The following TPM3 variants were observed in gnomAD, a reference collection of about 807,000 sequenced individuals.
The protein encoded by TPM3 is tropomyosin alpha-3 chain.
In TPM3, 16 loss-of-function variants were observed where a neutral mutation model predicts 43.1. The ratio of observed to expected loss-of-function variants is 0.37; its 90% confidence interval spans 0.25 to 0.56. The LOEUF (loss-of-function observed/expected upper bound fraction) is 0.56, where lower values mean the gene tolerates loss of function less well. TPM3 is among the 20% of genes least tolerant of loss of function. The pLI, the probability that TPM3 is intolerant of heterozygous loss-of-function variation, is 0.77. For synonymous variants in TPM3, 101 were observed against 116.9 expected (o/e 0.86, Z 0.88); for missense variants, 176 against 337.2 (o/e 0.52, Z 3.74).
chr1:154,173,212 T>A lies in TPM3; in HGVS notation c.378-11A>T, dbSNP rs374552223. 25 of 1,611,376 alleles carry A rather than the reference T, an allele frequency of 1.6e-5. No homozygotes were observed. Among genetic ancestry groups the A allele is most frequent in the Non-Finnish European group, 2.0e-5 (23 of 1,178,340 alleles). ...ATAACCTTCATACCTCTGCCAGAAA[T>A]AGGACAAAAGCAATACTGACACCCT... On this transcript the variant is annotated splice_polypyrimidine_tract_variant and intron_variant, in intron 3 of 9. Transcript: ENST00000651641.
downstream of TPM3, chr1:154,158,616 G>GATC: frequency 2.6e-6 from 1 of 379,826 alleles, no homozygotes; most frequent in South Asian, 2.9e-5. Flanking sequence ...AACTTGTCAA[G>GATC]TCAGTCCTTT....
At chr1:154,172,761 G>C in intron 5 of TPM3, 147 bp downstream of exon 5, 1 of 958,596 alleles carries the variant, frequency 1.0e-6, no homozygotes, top group South Asian at 1.3e-5. Context: ...AACCATTCTT[G>C]GGCCTAAAAA....
At chr1:154,173,605 G>A (rs534552472) in intron 3 of TPM3, among the ~76,000 whole-genome samples, 45 of 151,798 alleles carry the variant, frequency 3.0e-4, no homozygotes, top group Non-Finnish European at 5.1e-4. Context: ...TGGAGGTTGC[G>A]GTGAGCCGAG....
At chr1:154,169,535 T>C in intron 8 of TPM3, 152 bp from the exon 9 acceptor site, 1 of 745,376 alleles carries the variant, frequency 1.3e-6, no homozygotes, top group Non-Finnish European at 2.3e-6. Context: ...CAACCATGAC[T>C]GGACATTTTC....
intron 2 of TPM3, among the ~76,000 whole-genome samples, chr1:154,188,568 A>C (rs928526583): frequency 2.0e-5 from 3 of 149,930 alleles, no homozygotes; most frequent in Admixed American, 6.6e-5. Flanking sequence ...CCAGCTACTC[A>C]GGAGGCTGAG....
At chr1:154,172,690 AC>A in intron 5 of TPM3, 2 of 622,254 alleles carry the variant, frequency 3.2e-6, no homozygotes, top group Admixed American at 5.4e-5. Context: ...AACCCTACCA[AC>A]AAAAAATAAG....
At chr1:154,184,796 C>G (rs1360395786) in intron 2 of TPM3, among the ~76,000 whole-genome samples, 2 of 150,972 alleles carry the variant, frequency 1.3e-5, no homozygotes, top group African/African-American at 4.9e-5. Context: ...CGTCTGTAGT[C>G]CCAGCTACTT....
downstream of TPM3, chr1:154,158,485 C>A (rs946919779): frequency 1.8e-5 from 5 of 273,496 alleles, no homozygotes; most frequent in African/African-American, 1.1e-4. Context: ...AAATCTTCAA[C>A]TCAGAGAAGG....
chr1:154,156,186 GAGCCATTACGCTCC>G (rs1659792562), downstream of TPM3: 2 of 175,230 alleles, frequency 1.1e-5, no homozygotes. Flanking sequence ...AGCCGAGATC[GAGCCATTACGCTCC>G]AGCCCAGGCA....
At chr1:154,169,461 C>T in intron 8 of TPM3, 78 bp from the exon 9 acceptor site, 7 of 1,455,814 alleles carry the variant, frequency 4.8e-6, no homozygotes, top group Non-Finnish European at 6.7e-6. Context: ...GAGAGGGAAT[C>T]ATTAGAAATT....
intron 8 of TPM3, 137 bp from the exon 9 acceptor site, chr1:154,169,520 T>G: frequency 4.9e-6 from 4 of 815,806 alleles, no homozygotes; most frequent in Non-Finnish European, 8.2e-6. Flanking sequence ...AAATATCTAC[T>G]CTGGCAACCA....
intron 2 of TPM3, among the ~76,000 whole-genome samples, chr1:154,188,079 AG>A (rs1227679705): frequency 2.6e-5 from 4 of 151,388 alleles, no homozygotes; most frequent in Admixed American, 6.6e-5. Context: ...AAATAGAGAC[AG>A]GGTCTTGCTC....
chr1:154,191,110 T>G (rs1290170362), intron 2 of TPM3, 76 bp downstream of exon 2: 17 of 1,610,330 alleles, frequency 1.1e-5, no homozygotes, highest in Admixed American at 1.7e-5. Flanking sequence ...ACAAGTGTGT[T>G]TGGAATTTCG....
At chr1:154,189,732 A>T (rs1366872371) in intron 2 of TPM3, among the ~76,000 whole-genome samples, 2 of 141,748 alleles carry the variant, frequency 1.4e-5, no homozygotes, top group Non-Finnish European at 3.1e-5. Flanking sequence ...TGGGAGGTGG[A>T]GATGGCAGTG....
intron 2 of TPM3, chr1:154,183,213 T>C (rs1454262458): frequency 1.3e-6 from 2 of 1,569,824 alleles, no homozygotes; most frequent in East Asian, 2.3e-5. Flanking sequence ...TGCTACGCCC[T>C]GAAATACCGG....
chr1:154,170,369 T>C, intron 8 of TPM3, 31 bp downstream of exon 8: 1 of 1,610,128 alleles, frequency 6.2e-7, no homozygotes, highest in Non-Finnish European at 8.5e-7. Flanking sequence ...TCTATATTTC[T>C]CTATTTCAAT....
intron 2 of TPM3, 42 bp from the exon 3 acceptor site, chr1:154,176,290 G>A: frequency 6.2e-7 from 1 of 1,613,876 alleles, no homozygotes; most frequent in Non-Finnish European, 8.5e-7. Flanking sequence ...GCAGAGGCAT[G>A]GAGAAAAGAA....
chr1:154,191,832 C>T lies in TPM3; in HGVS notation c.117+70G>A, dbSNP rs1571456358. The T allele has an allele frequency of 2.5e-6, 4 of 1,588,646 alleles. No homozygotes were observed. In the East Asian group the frequency reaches 8.9e-5, roughly 36 times the overall value. ...GTGACACCAGTAGTCACTGTCTTTC[C>T]CATGAAAACTCCCTTCCATTTCACA... On this transcript the variant is annotated intron_variant, in intron 1 of 9. Transcript: ENST00000651641.
rs1340159602 is a variant in TPM3 at position 154,174,401 on chromosome 1, T to TACACACAC, written c.378-1201_378-1200insGTGTGTGT. 2.9e-5 allele frequency among the ~76,000 whole-genome samples: 3 copies of TACACACAC among 104,976 alleles called. 1 individual carries two copies. Among genetic ancestry groups the TACACACAC allele is most frequent in the African/African-American group, 1.3e-4 (3 of 23,742 alleles). 68.9% of individuals were successfully genotyped at this position (104,976 alleles called of 152,430 possible). A position where few individuals can be genotyped will look rare whatever the true frequency, so the allele number is the denominator to read the frequency against. ...ATATATATATATATATATATATATA[T>TACACACAC]ATATATACACACAAAAATCCCATCC... On this transcript the variant is annotated intron_variant, in intron 3 of 9. Transcript: ENST00000651641.
Sources: gnomAD v4.1 joint callset for allele counts (sites outside exome capture counted in the v4.1 genomes callset) on GRCh38, gnomAD v4.1.1 for gene constraint, MANE v1.5 for transcripts, NCBI Gene and HGNC (gene_info 2026-07-23, HGNC 2026-07-21) for gene names.